Variants in CCL3 observed in about 807,000 individuals in gnomAD.
CCL3 encodes C-C motif chemokine 3.
In CCL3, 6 loss-of-function variants were observed where a neutral mutation model predicts 8.1. That is an observed-to-expected ratio of 0.74 (90% CI 0.41 to 1.46). CCL3 has a LOEUF of 1.46. Ranked by LOEUF, CCL3 falls within the 40% of genes most tolerant of loss-of-function variation. The probability of loss-of-function intolerance (pLI) is 0.02; values close to 1 mark genes in which losing one functional copy is unlikely to be tolerated. For missense variants in CCL3, 109 were observed against 117.7 expected, an observed-to-expected ratio of 0.93 and a Z score of 0.34; for synonymous variants, 45 against 45.1, an observed-to-expected ratio of 1.00 and a Z score of 0.01.
At position 36,088,748 on chromosome 17, in the gene CCL3, C is replaced by A; in HGVS notation, c.203G>T (p.Arg68Leu). Residue 68 changes from arginine to leucine, a missense_variant, in exon 3 of 3, where the codon CGA becomes CTA. Physicochemically the swap from Arg to Leu is moderately radical, Grantham distance 102. Coordinates refer to ENST00000613922, the MANE Select transcript of CCL3 (RefSeq NM_002983.3). ...GGGGTCAGCACAGACCTGCCGGCTT[C>A]GCTTGGTTAGGAAGCTGTGGAGAAG... Reference protein sequence around the residue: ...SKPGVIFLTKRSRQVCADPSE... With the variant: ...SKPGVIFLTKLSRQVCADPSE... 6.2e-7 allele frequency: 1 copy of A among 1,613,890 alleles called. No homozygotes were observed. Among genetic ancestry groups the A allele is most frequent in the Non-Finnish European group, 8.5e-7 (1 of 1,179,882 alleles).
chr17:36,089,464 T>A, intron 1 of CCL3, 167 bp from the exon 2 acceptor site: 1 of 730,872 alleles, frequency 1.4e-6, no homozygotes, highest in South Asian at 1.7e-5. Context: ...TCTGTATCCT[T>A]CTTTCTCCTT....
At chr17:36,089,795 T>C in intron 1 of CCL3, 191 bp downstream of exon 1, 1 of 728,338 alleles carries the variant, frequency 1.4e-6, no homozygotes, top group Non-Finnish European at 2.5e-6. Context: ...TAGATTCTCA[T>C]ACCTGGAGAC....
In CCL3 at chr17:36,088,645, C is replaced by A; in HGVS notation, c.*27G>T. 2 of 1,612,516 alleles carry A rather than the reference C, an allele frequency of 1.2e-6. No homozygotes were observed. Among genetic ancestry groups the A allele is most frequent in the Non-Finnish European group, 1.7e-6 (2 of 1,179,690 alleles). On this transcript the variant is annotated 3_prime_UTR_variant, in exon 3 of 3. Coordinates refer to ENST00000613922, the MANE Select transcript of CCL3 (RefSeq NM_002983.3). ...TCCTCCCCACTGGGCCCACCGAGGT[C>A]GCTGGGCCTCGAAGCTTCTGGACCC...
At chr17:36,089,147 A>G (rs1174408427) in intron 2 of CCL3, 36 bp downstream of exon 2, 2 of 1,612,482 alleles carry the variant, frequency 1.2e-6, no homozygotes, top group Non-Finnish European at 8.5e-7. Flanking sequence ...GACCCTCCCT[A>G]CCTCCATAGA....
chr17:36,089,022 C>T (rs2067015582), intron 2 of CCL3, among the ~76,000 whole-genome samples, 161 bp downstream of exon 2: 2 of 152,172 alleles, frequency 1.3e-5, no homozygotes, highest in Non-Finnish European at 2.9e-5. Context: ...ACACATGCCT[C>T]ACTCCAGCTC....
intron 1 of CCL3, 79 bp from the exon 2 acceptor site, chr17:36,089,376 G>A: frequency 1.3e-6 from 2 of 1,587,640 alleles, no homozygotes; most frequent in Non-Finnish European, 1.7e-6. Context: ...CCGAGCAGTT[G>A]AGGAAGGCAG....
Position 36,088,721 on chromosome 17 carries a change from C to T in CCL3, c.230G>A (p.Ser77Asn). The change falls in exon 3 of 3, where the codon AGT becomes AAT. Residue 77 changes from serine (S) to asparagine (N), a missense_variant. Physicochemically the swap from Ser to Asn is conservative, Grantham distance 46. Transcript: ENST00000613922. The part of the protein sequence containing the change: ...KRSRQVCADP[S>N]EEWVQKYVSD... ...GACATATTTCTGGACCCACTCCTCA[C>T]TGGGGTCAGCACAGACCTGCCGGCT... 6.2e-7 allele frequency: 1 copy of T among 1,613,850 alleles called. No individual in the cohort carries two copies. Among genetic ancestry groups the T allele is most frequent in the South Asian group, 1.1e-5 (1 of 91,062 alleles).
intron 1 of CCL3, 190 bp downstream of exon 1, chr17:36,089,795 TA>T: frequency 1.4e-6 from 1 of 728,338 alleles, no homozygotes; most frequent in South Asian, 1.5e-5. Flanking sequence ...TAGATTCTCA[TA>T]CCTGGAGACT....
chr17:36,089,092 G>A, intron 2 of CCL3, 91 bp downstream of exon 2: 1 of 1,520,310 alleles, frequency 6.6e-7, no homozygotes, highest in Non-Finnish European at 9.1e-7. Context: ...CCTGAAGGCT[G>A]GGCCTTTCCA....
chr17:36,090,125 C>A lies in CCL3; in HGVS notation c.-67G>T, dbSNP rs1226171427. On this transcript the variant is annotated 5_prime_UTR_variant, in exon 1 of 3. Transcript: ENST00000613922. ...GAGCCAAGAAAGGACTGACCACTGT[C>A]TGCTGCCCGTGTCCTTCTGAAGTCT... is the stretch of plus-strand genomic sequence containing the variant. 2 of 1,447,670 alleles carry A rather than the reference C, an allele frequency of 1.4e-6. No homozygotes were observed. Among genetic ancestry groups the A allele is most frequent in the Non-Finnish European group, 1.9e-6 (2 of 1,043,356 alleles). The allele number at this position is 1,447,670 out of a possible 1,614,324, so 89.7% of individuals were successfully genotyped here. A position where few individuals can be genotyped will look rare whatever the true frequency, so the allele number is the denominator to read the frequency against.
chr17:36,088,723 G>A lies in CCL3; in HGVS notation c.228C>T (p.Pro76=), dbSNP rs2067010097. 1.2e-6 allele frequency: 2 copies of A among 1,613,846 alleles called. No homozygotes were observed. The highest frequency in any genetic ancestry group is 2.2e-5 in the South Asian group (2 of 91,056). ...TKRSRQVCAD[P]SEEWVQKYVS... ...CATATTTCTGGACCCACTCCTCACT[G>A]GGGTCAGCACAGACCTGCCGGCTTC... The change falls in exon 3 of 3, where the codon CCC becomes CCT. Residue 76 remains proline (P), a synonymous_variant. Coordinates refer to ENST00000613922, the MANE Select transcript of CCL3 (RefSeq NM_002983.3).
In CCL3 at chr17:36,088,651, G is replaced by A. The variant is rs1391433999; in HGVS notation, c.*21C>T. 1 of 1,612,692 alleles carries A rather than the reference G, an allele frequency of 6.2e-7. No homozygotes were observed. The highest frequency in any genetic ancestry group is 1.1e-5 in the South Asian group (1 of 91,018). On this transcript the variant is annotated 3_prime_UTR_variant, in exon 3 of 3. Transcript: ENST00000613922. ...CCACTGGGCCCACCGAGGTCGCTGG[G>A]CCTCGAAGCTTCTGGACCCCTCAGG...
In CCL3 at chr17:36,088,395, C is replaced by T; in HGVS notation, c.*277G>A. The T allele has an allele frequency of 2.1e-6, 1 of 477,238 alleles. No homozygotes were observed. The highest frequency in any genetic ancestry group is 3.8e-6 in the Non-Finnish European group (1 of 266,528). The allele number at this position is 477,238 out of a possible 1,614,324, so 29.6% of individuals were successfully genotyped here. ...AGGCTGATGACAGCCACTCGGTTGT[C>T]ACCAGACGCGGTGTGAGGGAAGGGG... is the stretch of plus-strand genomic sequence containing the variant. On this transcript the variant is annotated 3_prime_UTR_variant, in exon 3 of 3. Coordinates refer to ENST00000613922, the MANE Select transcript of CCL3 (RefSeq NM_002983.3).
At chr17:36,089,325 G>A (rs371733758) in intron 1 of CCL3, 28 bp from the exon 2 acceptor site, 24 of 1,613,958 alleles carry the variant, frequency 1.5e-5, no homozygotes, top group East Asian at 6.7e-5. Context: ...GAATGAGCCC[G>A]AGTCACAGCT....
chr17:36,089,520 C>A, intron 1 of CCL3: 2 of 624,708 alleles, frequency 3.2e-6, no homozygotes, highest in South Asian at 1.9e-5. Flanking sequence ...ATCCAGATAC[C>A]TGAACGGACT....
intron 2 of CCL3, 42 bp downstream of exon 2, chr17:36,089,141 C>T (rs1213673757): frequency 3.1e-6 from 5 of 1,612,656 alleles, no homozygotes; most frequent in Non-Finnish European, 4.2e-6. Flanking sequence ...AACCCTGACC[C>T]TCCCTACCTC....
At chr17:36,088,948 G>A (rs2067014529) in intron 2 of CCL3, among the ~76,000 whole-genome samples, 186 bp from the exon 3 acceptor site, 4 of 152,082 alleles carry the variant, frequency 2.6e-5, no homozygotes, top group Non-Finnish European at 4.4e-5. Flanking sequence ...CCCTCAGAGT[G>A]TCCCGCTGCC....
chr17:36,089,851 G>A, intron 1 of CCL3, 135 bp downstream of exon 1: 1 of 871,380 alleles, frequency 1.1e-6, no homozygotes. Flanking sequence ...AAGTCTTAAA[G>A]AGAAAGACCA....
chr17:36,088,547 T>A lies in CCL3; in HGVS notation c.*125A>T. 1.0e-6 allele frequency: 1 copy of A among 977,982 alleles called. No homozygotes were observed. The highest frequency in any genetic ancestry group is 1.6e-6 in the Non-Finnish European group (1 of 613,824). 60.6% of individuals were successfully genotyped at this position (977,982 alleles called of 1,614,324 possible). A position where few individuals can be genotyped will look rare whatever the true frequency, so the allele number is the denominator to read the frequency against. On this transcript the variant is annotated 3_prime_UTR_variant, in exon 3 of 3. Transcript: ENST00000613922. ...TAAGAAGAGTCCCACAGTGTGGCTGTTTGGCAACAACCAGTCCATAGAAGA... is the reference window on the plus strand; with the variant it reads ...TAAGAAGAGTCCCACAGTGTGGCTGATTGGCAACAACCAGTCCATAGAAGA...
Sources: gnomAD v4.1 joint callset for allele counts (sites outside exome capture counted in the v4.1 genomes callset) on GRCh38, gnomAD v4.1.1 for gene constraint, MANE v1.5 for transcripts, NCBI Gene and HGNC (gene_info 2026-07-23, HGNC 2026-07-21) for gene names.